PCDHA10: variants seen among roughly 807,000 people sequenced by gnomAD.
PCDHA10 encodes the protein protocadherin alpha-10.
In PCDHA10, 45 loss-of-function variants were observed where a neutral mutation model predicts 61.2. The observed-to-expected ratio is 0.74, with a 90% CI of 0.58 to 0.94. The LOEUF is 0.94. Ranked by LOEUF, PCDHA10 falls within the 40% of genes least tolerant of loss-of-function variation. The pLI is 0.00. For synonymous variants in PCDHA10, 602 were observed against 548.8 expected (o/e 1.10, Z -1.35); for missense variants, 1,278 against 1,236.2 (o/e 1.03, Z -0.51).
At chr5:140,870,135 T>C (rs781798788) in intron 1 of PCDHA10, 1 of 1,614,000 alleles carries the variant, frequency 6.2e-7, no homozygotes, top group Non-Finnish European at 8.5e-7. Context: ...ACACCAACGA[T>C]AACTCTCCTG....
chr5:140,889,814 CATA>C (rs1463937516), intron 1 of PCDHA10, among the ~76,000 whole-genome samples: 6 of 152,048 alleles, frequency 3.9e-5, no homozygotes, highest in Non-Finnish European at 7.4e-5. Context: ...GAAGTCAGGT[CATA>C]AGAAGTCTTA....
intron 1 of PCDHA10, chr5:140,928,280 C>G (rs781831365): frequency 6.2e-7 from 1 of 1,614,194 alleles, no homozygotes; most frequent in East Asian, 2.2e-5. Context: ...CCTGGGGCCT[C>G]TCTAGGCCGA....
At chr5:140,869,733 G>A (rs2051364392) in intron 1 of PCDHA10, 1 of 1,613,178 alleles carries the variant, frequency 6.2e-7, no homozygotes, top group Non-Finnish European at 8.5e-7. Context: ...AACTTAATTT[G>A]CTGCTAACAG....
At position 141,012,179 on chromosome 5, in the gene PCDHA10, T is replaced by C. The variant is rs2098423152; in HGVS notation, c.*2242T>C. ...GGGCTAATTTATTAATGATGATAAT[T>C]ATAATGTATCTGTACAGCACTTTTT... is the stretch of plus-strand genomic sequence containing the variant. On this transcript the variant is annotated 3_prime_UTR_variant, in exon 4 of 4. Coordinates refer to ENST00000307360, the MANE Select transcript of PCDHA10 (RefSeq NM_018901.4). 1 of 153,764 alleles carries C rather than the reference T, an allele frequency of 6.5e-6. No individual in the cohort carries two copies. Among genetic ancestry groups the C allele is most frequent in the South Asian group, 2.1e-4 (1 of 4,828 alleles). 9.5% of individuals were successfully genotyped at this position (153,764 alleles called of 1,614,324 possible). A position where few individuals can be genotyped will look rare whatever the true frequency, so the allele number is the denominator to read the frequency against.
chr5:140,866,152 G>A (rs955753225), intron 1 of PCDHA10: 31 of 152,098 alleles, frequency 2.0e-4, no homozygotes, highest in African/African-American at 7.5e-4. Flanking sequence ...AGTGATATAA[G>A]TAAGAATCGT....
intron 1 of PCDHA10, chr5:140,870,855 G>A: frequency 6.2e-7 from 1 of 1,613,910 alleles, no homozygotes; most frequent in Non-Finnish European, 8.5e-7. Flanking sequence ...CGCGGTCGGT[G>A]GGTGCGGGCC....
chr5:140,916,068 C>G (rs928159450), intron 1 of PCDHA10, among the ~76,000 whole-genome samples: 1 of 152,166 alleles, frequency 6.6e-6, no homozygotes, highest in African/African-American at 2.4e-5. Context: ...TCCCTGTGGC[C>G]AGTACTACCA....
chr5:140,887,323 C>T (rs1209011082), intron 1 of PCDHA10, among the ~76,000 whole-genome samples: 5 of 152,084 alleles, frequency 3.3e-5, no homozygotes, highest in African/African-American at 1.2e-4. Context: ...GTCTCGAACT[C>T]CTGACCTCGT....
rs201643490 is a variant in PCDHA10 at position 140,856,993 on chromosome 5, T to A, written c.945T>A (p.Tyr315Ter). 5.0e-6 allele frequency: 8 copies of A among 1,595,442 alleles called. No homozygotes were observed. In the East Asian group the frequency reaches 1.3e-4, roughly 27 times the overall value. Residue 315 changes from tyrosine (Y) to a stop codon, truncating the protein, a stop_gained, in exon 1 of 4, where the codon TAT (tyrosine) becomes TAA (stop). Transcript: ENST00000307360. LOFTEE classifies it high-confidence loss of function. Reference sequence around the variant, plus strand: ...TTGACTTTGAGGACAGTAACACTTATGAAATTCATGTAGATGTTACAGATA... The same window carrying A: ...TTGACTTTGAGGACAGTAACACTTAAGAAATTCATGTAGATGTTACAGATA... ...DAIDFEDSNT[Y>*]EIHVDVTDKG...
At chr5:140,943,275 AAAG>A (rs1197372058) in intron 1 of PCDHA10, among the ~76,000 whole-genome samples, 86 of 137,844 alleles carry the variant, frequency 6.2e-4, no homozygotes, top group African/African-American at 2.2e-3. Flanking sequence ...AAAAAAAAAA[AAAG>A]AAAGAAAGAA....
intron 1 of PCDHA10, among the ~76,000 whole-genome samples, chr5:140,946,711 T>C (rs1165441185): frequency 1.3e-5 from 2 of 150,618 alleles, no homozygotes; most frequent in African/African-American, 2.5e-5. Context: ...GAGGTCATTA[T>C]GTTTAGTTAA....
chr5:141,000,361 G>GTCTC (rs148596731), intron 3 of PCDHA10, among the ~76,000 whole-genome samples: 446 of 26,454 alleles, frequency 0.017, 11 homozygotes, highest in Non-Finnish European at 0.022. Flanking sequence ...GTCTCTCTCT[G>GTCTC]TCTCTCTCTC....
At chr5:140,894,740 AT>A (rs1157881854) in intron 1 of PCDHA10, among the ~76,000 whole-genome samples, 3 of 150,972 alleles carry the variant, frequency 2.0e-5, no homozygotes, top group Non-Finnish European at 3.0e-5. Flanking sequence ...AATTTGTGGA[AT>A]TTTTTTTCTT....
intron 3 of PCDHA10, among the ~76,000 whole-genome samples, chr5:141,007,525 G>C (rs782132903): frequency 1.3e-4 from 19 of 151,814 alleles, no homozygotes; most frequent in Non-Finnish European, 2.5e-4. Context: ...CTGATATCTC[G>C]CCACTGCACT....
intron 1 of PCDHA10, chr5:140,967,546 C>T (rs199955615): frequency 6.8e-6 from 11 of 1,613,824 alleles, no homozygotes; most frequent in Non-Finnish European, 8.5e-6. Context: ...TTGACCAGTC[C>T]ACTTATCGCG....
chr5:140,965,527 A>G (rs2095909626), intron 1 of PCDHA10, among the ~76,000 whole-genome samples: 1 of 151,946 alleles, frequency 6.6e-6, no homozygotes, highest in Non-Finnish European at 1.5e-5. Flanking sequence ...CAAAGCATTA[A>G]TGGAATCCAA....
rs782362312 is a variant in PCDHA10 at position 140,884,131 on chromosome 5, G to T, written c.2388+25695G>T. 4 of 1,613,396 alleles carry T rather than the reference G, an allele frequency of 2.5e-6. No individual in the cohort carries two copies. In the South Asian group the frequency reaches 3.3e-5, roughly 13 times the overall value. On this transcript the variant is annotated intron_variant, in intron 1 of 3. Coordinates refer to ENST00000307360, the MANE Select transcript of PCDHA10 (RefSeq NM_018901.4). ...TGGCGGCGGTCGGCGCGCGCATCCCGTTCCGCGTGGGGCTGTACACTGGCG... is the reference window on the plus strand; with the variant it reads ...TGGCGGCGGTCGGCGCGCGCATCCCTTTCCGCGTGGGGCTGTACACTGGCG...
chr5:140,858,158 G>A lies in PCDHA10; in HGVS notation c.2110G>A (p.Ala704Thr), dbSNP rs781899082. Residue 704 changes from alanine (A) to threonine (T), a missense_variant, in exon 1 of 4, where the codon GCG (alanine) becomes ACG (threonine). Ala to Thr is a moderately conservative substitution (Grantham distance 58). Transcript: ENST00000307360. ...CGTGTACCTGATCATCGCCATCTGC[G>A]CGGTGTCCAGCTTGCTGGTGCTCAC... ...VNVYLIIAIC[A>T]VSSLLVLTLL... The A allele has an allele frequency of 6.3e-6, 10 of 1,597,616 alleles. 1 individual carries two copies. Among genetic ancestry groups the A allele is most frequent in the Admixed American group, 5.1e-5 (3 of 59,322 alleles).
intron 1 of PCDHA10, chr5:140,969,250 C>T (rs1554231631): frequency 6.2e-7 from 1 of 1,614,216 alleles, no homozygotes; most frequent in Admixed American, 1.7e-5. Flanking sequence ...CAGTGACTGA[C>T]AGCAGGAATC....
Sources: allele counts gnomAD v4.1 joint callset (sites outside exome capture counted in the v4.1 genomes callset), GRCh38; gene constraint gnomAD v4.1.1; transcripts MANE v1.5; gene names NCBI Gene and HGNC (gene_info 2026-07-23, HGNC 2026-07-21).